TRIM26: variants seen among roughly 807,000 people sequenced by gnomAD.
TRIM26 encodes tripartite motif-containing protein 26.
In TRIM26, 16 loss-of-function variants were observed where a neutral mutation model predicts 45.5. That is an observed-to-expected ratio of 0.35 (90% CI 0.24 to 0.53). The LOEUF is 0.53. Ranked by LOEUF, TRIM26 falls within the 20% of genes least tolerant of loss-of-function variation. The probability of loss-of-function intolerance (pLI) is 0.92; values close to 1 mark genes in which losing one functional copy is unlikely to be tolerated. For synonymous variants in TRIM26, 273 were observed against 290.4 expected (o/e 0.94, Z 0.61); for missense variants, 442 against 691.1 (o/e 0.64, Z 4.04).
chr6:30,197,985 A>C (rs1270199202), intron 5 of TRIM26, among the ~76,000 whole-genome samples: 1 of 152,170 alleles, frequency 6.6e-6, no homozygotes, highest in Non-Finnish European at 1.5e-5. Context: ...GACCTGCCTT[A>C]GCTGTTTTCT....
chr6:30,189,809 G>A lies in TRIM26; in HGVS notation c.788+204C>T. 1 of 649,590 alleles carries A rather than the reference G, an allele frequency of 1.5e-6. No individual in the cohort carries two copies. The highest frequency in any genetic ancestry group is 2.6e-6 in the Non-Finnish European group (1 of 386,190). The allele number at this position is 649,590 out of a possible 1,614,324, so 40.2% of individuals were successfully genotyped here. A position where few individuals can be genotyped will look rare whatever the true frequency, so the allele number is the denominator to read the frequency against. ...AAGGCCAGTGGGCCAAGGAGCTGGGGCTACACAGAGAACCATAAGGAGGAG... is the reference window on the plus strand; with the variant it reads ...AAGGCCAGTGGGCCAAGGAGCTGGGACTACACAGAGAACCATAAGGAGGAG... On this transcript the variant is annotated intron_variant, in intron 7 of 9. Transcript: ENST00000454678. This position sits in a 1 kb window ranked among gnomAD's most constrained non-coding sequence, Gnocchi z 5.0.
intron 1 of TRIM26, among the ~76,000 whole-genome samples, chr6:30,211,347 A>G (rs1778266279): frequency 6.6e-6 from 1 of 152,224 alleles, no homozygotes; most frequent in Non-Finnish European, 1.5e-5. Context: ...GATGCCAGCC[A>G]ATTTATGTTT....
intron 3 of TRIM26, among the ~76,000 whole-genome samples, chr6:30,199,799 G>A (rs1044350773): frequency 1.3e-5 from 2 of 152,078 alleles, no homozygotes; most frequent in African/African-American, 4.8e-5. Context: ...ACCACACCTG[G>A]CTAATTTTTT....
intron 6 of TRIM26, among the ~76,000 whole-genome samples, chr6:30,193,183 T>TATATATATATATATA (rs1554201635): frequency 1.2e-4 from 5 of 41,190 alleles, no homozygotes; most frequent in East Asian, 6.2e-4. Context: ...TATATATATA[T>TATATATATATATATA]TTTTTTTTTT....
In TRIM26 at chr6:30,185,933, G is replaced by T. The variant is rs1482505973; in HGVS notation, c.1563C>A (p.Arg521=). ...ACTTGAGCCACAGGAAGGGGACCAG[G>T]CGCCGGGTGAAGGTGGCAGTGAAGG... is the stretch of plus-strand genomic sequence containing the variant. The part of the protein sequence containing the change: ...IYTFTATFTR[R]LVPFLWLKWP... The change falls in exon 10 of 10, where the codon CGC becomes CGA. Residue 521 remains arginine, a synonymous_variant. Coordinates refer to ENST00000454678, the MANE Select transcript of TRIM26 (RefSeq NM_003449.5). This position sits in a 1 kb window ranked among gnomAD's most constrained non-coding sequence, Gnocchi z 5.7. 5 of 1,613,062 alleles carry T rather than the reference G, an allele frequency of 3.1e-6. No individual in the cohort carries two copies. The highest frequency in any genetic ancestry group is 4.2e-6 in the Non-Finnish European group (5 of 1,180,004).
intron 9 of TRIM26, chr6:30,187,441 A>G: frequency 2.0e-6 from 1 of 499,752 alleles, no homozygotes; most frequent in Non-Finnish European, 4.1e-6. Flanking sequence ...AGGTTATGAT[A>G]AAGCTCTCCC....
At chr6:30,192,934 G>A (rs1198013005) in intron 6 of TRIM26, among the ~76,000 whole-genome samples, 1 of 150,992 alleles carries the variant, frequency 6.6e-6, no homozygotes, top group African/African-American at 2.4e-5. Flanking sequence ...GTATGTTCTT[G>A]GTTCCTTTGT....
chr6:30,189,804 C>A lies in TRIM26; in HGVS notation c.788+209G>T. The A allele has an allele frequency of 1.5e-6, 1 of 650,260 alleles. No individual in the cohort carries two copies. The highest frequency in any genetic ancestry group is 2.6e-6 in the Non-Finnish European group (1 of 385,726). 40.3% of individuals were successfully genotyped at this position (650,260 alleles called of 1,614,324 possible). ...CAAATAAGGCCAGTGGGCCAAGGAGCTGGGGCTACACAGAGAACCATAAGG... is the reference window on the plus strand; with the variant it reads ...CAAATAAGGCCAGTGGGCCAAGGAGATGGGGCTACACAGAGAACCATAAGG... On this transcript the variant is annotated intron_variant, in intron 7 of 9. Coordinates refer to ENST00000454678, the MANE Select transcript of TRIM26 (RefSeq NM_003449.5). The surrounding 1 kb of genome is among the most constrained non-coding windows in gnomAD (Gnocchi z 5.0).
In TRIM26 at chr6:30,189,180, C is replaced by T; in HGVS notation, c.924G>A (p.Leu308=). ...REFQGKLLRD[L]EYKTVSVTLD... is the part of the protein sequence containing the mutation. ...CTAGACACTCACCTGTCTTATATTCCAAGTCTCTCAGCAGCTTCCCTGGGG... is the reference window on the plus strand; with the variant it reads ...CTAGACACTCACCTGTCTTATATTCTAAGTCTCTCAGCAGCTTCCCTGGGG... The change falls in exon 9 of 10, where the codon TTG becomes TTA. Residue 308 remains leucine, a synonymous_variant. Coordinates refer to ENST00000454678, the MANE Select transcript of TRIM26 (RefSeq NM_003449.5). The surrounding 1 kb of genome is among the most constrained non-coding windows in gnomAD (Gnocchi z 5.0). 1 of 1,612,880 alleles carries T rather than the reference C, an allele frequency of 6.2e-7. No individual in the cohort carries two copies. Among genetic ancestry groups the T allele is most frequent in the South Asian group, 1.1e-5 (1 of 91,080 alleles).
At chr6:30,202,130 A>G (rs902240656) in intron 2 of TRIM26, among the ~76,000 whole-genome samples, 33 of 147,892 alleles carry the variant, frequency 2.2e-4, no homozygotes, top group African/African-American at 8.2e-4. Context: ...TACTTGCAAA[A>G]TAAGAACAAT....
intron 6 of TRIM26, among the ~76,000 whole-genome samples, chr6:30,193,180 ATATT>A (rs1776099700): frequency 6.4e-5 from 3 of 47,196 alleles, no homozygotes; most frequent in African/African-American, 2.8e-4. Flanking sequence ...ATATATATAT[ATATT>A]TTTTTTTTTT....
Position 30,196,773 on chromosome 6 carries a change from G to A in TRIM26, c.535-27C>T, listed in dbSNP as rs761232307. On this transcript the variant is annotated intron_variant, in intron 5 of 9. Coordinates refer to ENST00000454678, the MANE Select transcript of TRIM26 (RefSeq NM_003449.5). This position sits in a 1 kb window ranked among gnomAD's most constrained non-coding sequence, Gnocchi z 4.9. ...TGCAGGGGGCAGGAAGGGGAGAAGG[G>A]CTGACACCTCTGCTCAGGGTGGAGG... 1 of 1,611,190 alleles carries A rather than the reference G, an allele frequency of 6.2e-7. No individual in the cohort carries two copies. Among genetic ancestry groups the A allele is most frequent in the South Asian group, 1.1e-5 (1 of 91,004 alleles).
In TRIM26 at chr6:30,189,418, C is replaced by T. The variant is rs1775578043; in HGVS notation, c.904G>A (p.Gly302Arg). 1.2e-6 allele frequency: 2 copies of T among 1,612,948 alleles called. No homozygotes were observed. Among genetic ancestry groups the T allele is most frequent in the Non-Finnish European group, 1.7e-6 (2 of 1,179,974 alleles). The change falls in exon 8 of 10, where the codon GGG becomes AGG. Residue 302 changes from glycine (G) to arginine (R), a missense_variant and splice_region_variant. Gly to Arg is a moderately radical substitution (Grantham distance 125). Transcript: ENST00000454678. This position sits in a 1 kb window ranked among gnomAD's most constrained non-coding sequence, Gnocchi z 5.0. ...CCTTTGTGCGCTCCCCAACCCTTAC[C>T]CTGGAATTCCCTCAGGCCTCGTTGC... ...SLQRGLREFQ[G>R]KLLRDLEYKT...
At chr6:30,197,218 C>A (rs541715911) in intron 5 of TRIM26, among the ~76,000 whole-genome samples, 43 of 152,326 alleles carry the variant, frequency 2.8e-4, no homozygotes, top group Non-Finnish European at 5.0e-4. Context: ...CCATGTAAGA[C>A]TGCATCCTGT....
rs1192430747 is a variant in TRIM26, at chr6:30,207,799, A to C, written c.-375-3034T>G. 6.6e-6 allele frequency among the ~76,000 whole-genome samples: 1 copy of C among 152,104 alleles called. No individual in the cohort carries two copies. Among genetic ancestry groups the C allele is most frequent in the Non-Finnish European group, 1.5e-5 (1 of 68,028 alleles). ...CTCTTTCCTGGCTAAGCCCTTCGACAATGTAATTCCTTCTGCCTAGAACAC... is the reference window on the plus strand; with the variant it reads ...CTCTTTCCTGGCTAAGCCCTTCGACCATGTAATTCCTTCTGCCTAGAACAC... On this transcript the variant is annotated intron_variant, in intron 1 of 9. Transcript: ENST00000454678. This position sits in a 1 kb window ranked among gnomAD's most constrained non-coding sequence, Gnocchi z 4.9.
In TRIM26 at chr6:30,196,766, G is replaced by A. The variant is rs145066830; in HGVS notation, c.535-20C>T. The A allele has an allele frequency of 1.2e-6, 2 of 1,613,122 alleles. No individual in the cohort carries two copies. The highest frequency in any genetic ancestry group is 1.7e-6 in the Non-Finnish European group (2 of 1,179,358). ...CTTCTTCTGCAGGGGGCAGGAAGGGGAGAAGGGCTGACACCTCTGCTCAGG... is the reference window on the plus strand; with the variant it reads ...CTTCTTCTGCAGGGGGCAGGAAGGGAAGAAGGGCTGACACCTCTGCTCAGG... On this transcript the variant is annotated intron_variant, in intron 5 of 9. Coordinates refer to ENST00000454678, the MANE Select transcript of TRIM26 (RefSeq NM_003449.5). The surrounding 1 kb of genome is among the most constrained non-coding windows in gnomAD (Gnocchi z 4.9).
Position 30,186,337 on chromosome 6 carries a change from C to T in TRIM26, c.1159G>A (p.Asp387Asn). Reference sequence around the variant, plus strand: ...TCCTCTTCTCCCTCTTCCTCCTCATCCCCCTCTTCTTCATCCTCAGACCAG... The same window carrying T: ...TCCTCTTCTCCCTCTTCCTCCTCATTCCCCTCTTCTTCATCCTCAGACCAG... ...EGWSEDEEEG[D>N]EEEEGEEEEE... Residue 387 changes from aspartate (D) to asparagine (N), a missense_variant, in exon 10 of 10, where the codon GAT (aspartate) becomes AAT (asparagine). Physicochemically the swap from Asp to Asn is conservative, Grantham distance 23. Transcript: ENST00000454678. This position sits in a 1 kb window ranked among gnomAD's most constrained non-coding sequence, Gnocchi z 7.4. The T allele has an allele frequency of 6.2e-7, 1 of 1,612,300 alleles. No individual in the cohort carries two copies. The highest frequency in any genetic ancestry group is 8.5e-7 in the Non-Finnish European group (1 of 1,179,294).
At position 30,202,375 on chromosome 6, in the gene TRIM26, G is replaced by A. The variant is rs117593329; in HGVS notation, c.-265-1237C>T. Among the ~76,000 whole-genome samples, 106 of 152,264 alleles carry A rather than the reference G, an allele frequency of 7.0e-4. 1 individual carries two copies. In the East Asian group the frequency reaches 0.018, roughly 27 times the overall value. On this transcript the variant is annotated intron_variant, in intron 2 of 9. Coordinates refer to ENST00000454678, the MANE Select transcript of TRIM26 (RefSeq NM_003449.5). Reference sequence around the variant, plus strand: ...TAACAGAATTAGAAAATCATTTTGCGACTGCCATTATAATAGCACAAGGAT... The same window carrying A: ...TAACAGAATTAGAAAATCATTTTGCAACTGCCATTATAATAGCACAAGGAT...
chr6:30,186,179 C>T lies in TRIM26; in HGVS notation c.1317G>A (p.Val439=). ...TCTTCACAGAGTCTCTAGCCACCCC[C>T]ACCATGCAGCTTTCCAGAACTTCCT... The part of the protein sequence containing the change: ...EEEEVLESCM[V]GVARDSVKRK... The change falls in exon 10 of 10, where the codon GTG becomes GTA. Residue 439 remains valine (V), a synonymous_variant. Transcript: ENST00000454678. The surrounding 1 kb of genome is among the most constrained non-coding windows in gnomAD (Gnocchi z 7.4). 1 of 1,597,518 alleles carries T rather than the reference C, an allele frequency of 6.3e-7. No homozygotes were observed. The highest frequency in any genetic ancestry group is 8.5e-7 in the Non-Finnish European group (1 of 1,171,622).
Sources: allele counts gnomAD v4.1 joint callset (sites outside exome capture counted in the v4.1 genomes callset), GRCh38; gene constraint gnomAD v4.1.1; non-coding constraint Gnocchi (gnomAD v3.1); transcripts MANE v1.5; gene names NCBI Gene and HGNC (gene_info 2026-07-23, HGNC 2026-07-21).